CRIM1: variants seen among roughly 807,000 people sequenced by gnomAD.
CRIM1 encodes cysteine rich transmembrane BMP regulator 1.
In CRIM1, 32 loss-of-function variants were observed where a neutral mutation model predicts 116.4. That is an observed-to-expected ratio of 0.27 (90% confidence interval 0.21 to 0.37). The LOEUF (loss-of-function observed/expected upper bound fraction) is 0.37, where lower values mean the gene tolerates loss of function less well. CRIM1 is among the 10% of genes least tolerant of loss of function. The pLI, the probability that CRIM1 is intolerant of heterozygous loss-of-function variation, is 1.00. For missense variants in CRIM1, 1,331 were observed against 1,354.8 expected (o/e 0.98, Z 0.28); for synonymous variants, 590 against 509.2 (o/e 1.16, Z -2.13).
intron 2 of CRIM1, among the ~76,000 whole-genome samples, chr2:36,411,268 A>G (rs930809403): frequency 6.6e-6 from 1 of 151,248 alleles, no homozygotes. Flanking sequence ...GCAGCATGGA[A>G]CTCCCAAAAA....
At chr2:36,469,220 A>G (rs1294115164) in intron 5 of CRIM1, among the ~76,000 whole-genome samples, 3 of 152,172 alleles carry the variant, frequency 2.0e-5, no homozygotes, top group East Asian at 1.9e-4. Context: ...GGATGGGAGC[A>G]TTACTTGTGT....
intron 7 of CRIM1, among the ~76,000 whole-genome samples, chr2:36,484,578 A>C (rs1240191129): frequency 6.6e-6 from 1 of 152,140 alleles, no homozygotes; most frequent in Non-Finnish European, 1.5e-5. Context: ...CTGATGCAAG[A>C]GATTAGAGCT....
At chr2:36,408,862 A>G (rs372227549) in intron 2 of CRIM1, among the ~76,000 whole-genome samples, 16 of 152,264 alleles carry the variant, frequency 1.1e-4, no homozygotes, top group East Asian at 9.7e-4. Flanking sequence ...GCATAAACTC[A>G]CAGACAGTCA....
At position 36,442,677 on chromosome 2, in the gene CRIM1, G is replaced by C. The variant is rs1161564977; in HGVS notation, c.811G>C (p.Asp271His). 6.2e-7 allele frequency: 1 copy of C among 1,614,032 alleles called. No individual in the cohort carries two copies. Residue 271 changes from aspartate to histidine, a missense_variant, in exon 4 of 17, where the codon GAC becomes CAC. Transcript: ENST00000280527. Reference protein sequence around the residue: ...PPVQQTACPPDSYETQVRLTA... With the variant: ...PPVQQTACPPHSYETQVRLTA... ...TGTTCAGCAGACCGCGTGTCCCCCG[G>C]ACAGCTATGAAACTCAAGTCAGACT...
At chr2:36,488,343 A>C (rs1330922179) in intron 7 of CRIM1, among the ~76,000 whole-genome samples, 1 of 152,166 alleles carries the variant, frequency 6.6e-6, no homozygotes, top group African/African-American at 2.4e-5. Flanking sequence ...GTGGCTGATG[A>C]GGTGGCAGGA....
At chr2:36,523,537 C>T (rs1168217821) in intron 13 of CRIM1, among the ~76,000 whole-genome samples, 1 of 152,216 alleles carries the variant, frequency 6.6e-6, no homozygotes, top group African/African-American at 2.4e-5. Context: ...CCCGTGTTCC[C>T]TGGGCTTTCA....
intron 2 of CRIM1, among the ~76,000 whole-genome samples, chr2:36,427,007 CCTGA>C (rs1674504351): frequency 2.0e-5 from 3 of 151,968 alleles, no homozygotes; most frequent in South Asian, 2.1e-4. Context: ...TCAAGACCAG[CCTGA>C]CTAACATGGT....
chr2:36,360,776 C>T (rs963349552), intron 1 of CRIM1, among the ~76,000 whole-genome samples: 12 of 152,108 alleles, frequency 7.9e-5, no homozygotes, highest in Admixed American at 4.6e-4. Context: ...GTAGTAGGGC[C>T]TGAAGTTAAG....
chr2:36,381,533 G>A (rs1670773128), intron 1 of CRIM1, among the ~76,000 whole-genome samples: 2 of 152,212 alleles, frequency 1.3e-5, no homozygotes, highest in Non-Finnish European at 2.9e-5. Context: ...GGACAAAGGT[G>A]ATGGATGAGA....
intron 2 of CRIM1, among the ~76,000 whole-genome samples, chr2:36,430,059 G>C (rs1674764226): frequency 6.6e-6 from 1 of 152,196 alleles, no homozygotes; most frequent in South Asian, 2.1e-4. Context: ...CTAGCCTTAG[G>C]CTTCCATTCC....
chr2:36,359,291 G>A (rs1203411960), intron 1 of CRIM1, among the ~76,000 whole-genome samples: 3 of 152,172 alleles, frequency 2.0e-5, no homozygotes, highest in Non-Finnish European at 4.4e-5. Context: ...CATATTGCAT[G>A]TTATAGAAAT....
In CRIM1 at chr2:36,450,356, TTG is replaced by T. The variant is rs536241663; in HGVS notation, c.869+7631_869+7632del. 5.3e-5 allele frequency among the ~76,000 whole-genome samples: 8 copies of T among 152,176 alleles called. 1 individual carries two copies. The highest frequency in any genetic ancestry group is 5.2e-4 in the Admixed American group (8 of 15,278). On this transcript the variant is annotated intron_variant, in intron 4 of 16. Transcript: ENST00000280527. ...CCACATCACTTTCCCTGAGGTCGGA[TTG>T]TGTGTGTGTCTTCTCTGTCTTCAGC...
chr2:36,411,662 T>TTTTG (rs1553377313), intron 2 of CRIM1, among the ~76,000 whole-genome samples: 1 of 150,094 alleles, frequency 6.7e-6, no homozygotes, highest in Non-Finnish European at 1.5e-5. Context: ...ATCTTATTCT[T>TTTTG]TGTGTGTGTG....
chr2:36,415,536 A>G (rs535220816), intron 2 of CRIM1, among the ~76,000 whole-genome samples: 22 of 152,260 alleles, frequency 1.4e-4, no homozygotes, highest in African/African-American at 4.1e-4. Context: ...CCATATCCCA[A>G]TTTGTTTGGC....
chr2:36,544,155 A>G (rs553980710), intron 14 of CRIM1, among the ~76,000 whole-genome samples: 1 of 152,304 alleles, frequency 6.6e-6, no homozygotes, highest in East Asian at 1.9e-4. Context: ...GGTGGAGTAG[A>G]GAATTCTTTC....
At chr2:36,436,902 A>G (rs1170613116) in intron 2 of CRIM1, among the ~76,000 whole-genome samples, 1 of 152,260 alleles carries the variant, frequency 6.6e-6, no homozygotes, top group Non-Finnish European at 1.5e-5. Flanking sequence ...AAGGAAACAT[A>G]TAAATTACTT....
At chr2:36,357,913 G>A (rs1668962703) in intron 1 of CRIM1, among the ~76,000 whole-genome samples, 1 of 152,186 alleles carries the variant, frequency 6.6e-6, no homozygotes, top group African/African-American at 2.4e-5. Context: ...GGATAACAAT[G>A]GACCTATTAA....
At chr2:36,522,476 A>G (rs1460080012) in intron 13 of CRIM1, among the ~76,000 whole-genome samples, 163 bp downstream of exon 13, 1 of 152,150 alleles carries the variant, frequency 6.6e-6, no homozygotes, top group East Asian at 1.9e-4. Flanking sequence ...AAAGATATGG[A>G]AGATGTACTC....
chr2:36,506,658 C>G (rs1681453579), intron 8 of CRIM1, among the ~76,000 whole-genome samples: 1 of 152,108 alleles, frequency 6.6e-6, no homozygotes, highest in Non-Finnish European at 1.5e-5. Context: ...TCATCACTTT[C>G]TCTTCAATCG....
Sources: gnomAD v4.1 joint callset for allele counts (sites outside exome capture counted in the v4.1 genomes callset) on GRCh38, gnomAD v4.1.1 for gene constraint, MANE v1.5 for transcripts, NCBI Gene and HGNC (gene_info 2026-07-23, HGNC 2026-07-21) for gene names.